Variants in CDK19 observed in about 807,000 individuals in gnomAD.
CDK19 encodes cyclin dependent kinase 19.
CDK19 carries 20 observed loss-of-function variants against 68.3 expected under a neutral mutation model. The observed-to-expected ratio is 0.29, with a 90% CI of 0.21 to 0.43. The LOEUF (loss-of-function observed/expected upper bound fraction) is 0.43, where lower values mean the gene tolerates loss of function less well. Among genes scored for constraint, CDK19 ranks in the 20% least tolerant of loss-of-function variants. CDK19 has a pLI of 1.00. For missense variants in CDK19, 339 were observed against 623.5 expected (o/e 0.54, Z 4.86); for synonymous variants, 221 against 222.8 (o/e 0.99, Z 0.07).
chr6:110,758,107 C>T (rs953704757), intron 1 of CDK19, among the ~76,000 whole-genome samples: 1 of 152,084 alleles, frequency 6.6e-6, no homozygotes, highest in African/African-American at 2.4e-5. Context: ...TTGGGGACCG[C>T]TTGAGCCCAA....
chr6:110,643,969 T>C (rs1001123653), intron 4 of CDK19, among the ~76,000 whole-genome samples: 2 of 151,934 alleles, frequency 1.3e-5, no homozygotes, highest in Non-Finnish European at 2.9e-5. Flanking sequence ...TTTAATTTAA[T>C]TAAACATTAT....
At chr6:110,795,751 A>C (rs1455753862) in intron 1 of CDK19, among the ~76,000 whole-genome samples, 1 of 152,198 alleles carries the variant, frequency 6.6e-6, no homozygotes, top group Non-Finnish European at 1.5e-5. Context: ...AAATATTAGG[A>C]AAAACTTAAA....
chr6:110,710,456 T>G (rs1221602229), intron 2 of CDK19, among the ~76,000 whole-genome samples: 1 of 152,240 alleles, frequency 6.6e-6, no homozygotes, highest in Non-Finnish European at 1.5e-5. Context: ...ATAGCAAGCC[T>G]AAATGGAAAT....
chr6:110,740,120 CAA>C (rs10714027), intron 2 of CDK19, among the ~76,000 whole-genome samples: 2,981 of 151,548 alleles, frequency 0.02, 103 homozygotes, highest in African/African-American at 0.068. Flanking sequence ...GAAGAATATA[CAA>C]AAAAAAAATG....
At chr6:110,804,790 C>T (rs900883437) in intron 1 of CDK19, among the ~76,000 whole-genome samples, 2 of 150,988 alleles carry the variant, frequency 1.3e-5, no homozygotes, top group African/African-American at 4.9e-5. Flanking sequence ...CCCGTCGCTA[C>T]TAAAAATACA....
intron 1 of CDK19, among the ~76,000 whole-genome samples, chr6:110,796,926 C>T (rs1781978513): frequency 1.3e-5 from 2 of 150,632 alleles, no homozygotes; most frequent in African/African-American, 4.9e-5. Context: ...ACGAGAATTG[C>T]TTGAACCCAG....
intron 2 of CDK19, among the ~76,000 whole-genome samples, chr6:110,735,523 T>C (rs964875280): frequency 2.6e-5 from 4 of 152,198 alleles, no homozygotes; most frequent in African/African-American, 9.7e-5. Flanking sequence ...ATAGTGAATC[T>C]ATGCCAAAAA....
At chr6:110,763,992 A>G (rs993633150) in intron 1 of CDK19, among the ~76,000 whole-genome samples, 4 of 152,204 alleles carry the variant, frequency 2.6e-5, no homozygotes, top group African/African-American at 9.6e-5. Flanking sequence ...TACAAATACA[A>G]TACCATTCAC....
intron 1 of CDK19, among the ~76,000 whole-genome samples, chr6:110,763,706 C>T (rs534415954): frequency 3.3e-5 from 5 of 151,528 alleles, no homozygotes; most frequent in South Asian, 2.1e-4. Context: ...TGAGCCGCCA[C>T]GCCCAGCCTG....
chr6:110,807,272 G>A (rs993632060), intron 1 of CDK19, among the ~76,000 whole-genome samples: 10 of 152,116 alleles, frequency 6.6e-5, no homozygotes, highest in African/African-American at 2.4e-4. Context: ...AAGCTGCAGT[G>A]AGCCATGATC....
At chr6:110,662,779 C>T (rs1454734392) in intron 4 of CDK19, among the ~76,000 whole-genome samples, 2 of 152,296 alleles carry the variant, frequency 1.3e-5, no homozygotes, top group African/African-American at 4.8e-5. Flanking sequence ...TACATCTTTT[C>T]TCCCTTGGTG....
At chr6:110,654,762 GA>G (rs1238976503) in intron 4 of CDK19, among the ~76,000 whole-genome samples, 1 of 152,090 alleles carries the variant, frequency 6.6e-6, no homozygotes, top group East Asian at 1.9e-4. Flanking sequence ...CCAACATGGA[GA>G]AAACCCACCT....
intron 2 of CDK19, among the ~76,000 whole-genome samples, chr6:110,728,314 G>C (rs550728956): frequency 6.6e-6 from 1 of 151,266 alleles, no homozygotes; most frequent in African/African-American, 2.4e-5. Context: ...GAGAGAGAGA[G>C]AAAGAGCACA....
chr6:110,645,049 C>G (rs1459832480), intron 4 of CDK19, among the ~76,000 whole-genome samples: 1 of 152,080 alleles, frequency 6.6e-6, no homozygotes, highest in African/African-American at 2.4e-5. Context: ...ATTCATATGT[C>G]AAACAGACAA....
At chr6:110,662,158 T>C (rs906249278) in intron 4 of CDK19, among the ~76,000 whole-genome samples, 1 of 152,008 alleles carries the variant, frequency 6.6e-6, no homozygotes, top group African/African-American at 2.4e-5. Flanking sequence ...TTAGTAGAGA[T>C]AGGGTTTCAC....
chr6:110,650,725 A>C (rs1179065338), intron 4 of CDK19, among the ~76,000 whole-genome samples: 1 of 152,208 alleles, frequency 6.6e-6, no homozygotes, highest in Admixed American at 6.5e-5. Context: ...AACGGGGGAT[A>C]TCTGGAGACA....
intron 6 of CDK19, among the ~76,000 whole-genome samples, chr6:110,629,119 G>A (rs1779280526): frequency 6.6e-6 from 1 of 152,086 alleles, no homozygotes; most frequent in African/African-American, 2.4e-5. Flanking sequence ...TACTGCATGT[G>A]CCTGGTCATG....
At chr6:110,734,015 G>T (rs1374377550) in intron 2 of CDK19, among the ~76,000 whole-genome samples, 1 of 151,498 alleles carries the variant, frequency 6.6e-6, no homozygotes, top group Admixed American at 6.6e-5. Context: ...ACCAACTTTG[G>T]TTTTTTTGTT....
rs1364764422 is a variant in CDK19 at position 110,612,936 on chromosome 6, C to T, written c.*1599G>A. On this transcript the variant is annotated 3_prime_UTR_variant, in exon 13 of 13. Transcript: ENST00000368911. Reference sequence around the variant, plus strand: ...TAATCTTATTTTACTTGTGTATGGACCCACAGTATCATAACCAGGTAGATA... The same window carrying T: ...TAATCTTATTTTACTTGTGTATGGATCCACAGTATCATAACCAGGTAGATA... 1 of 152,554 alleles carries T rather than the reference C, an allele frequency of 6.6e-6. No homozygotes were observed. Among genetic ancestry groups the T allele is most frequent in the Admixed American group, 6.5e-5 (1 of 15,272 alleles). The allele number at this position is 152,554 out of a possible 1,614,324, so 9.5% of individuals were successfully genotyped here.
Sources: gnomAD v4.1 joint callset for allele counts (sites outside exome capture counted in the v4.1 genomes callset) on GRCh38, gnomAD v4.1.1 for gene constraint, MANE v1.5 for transcripts, NCBI Gene and HGNC (gene_info 2026-07-23, HGNC 2026-07-21) for gene names.